TRAPPC9: variants seen among roughly 807,000 people sequenced by gnomAD.
TRAPPC9 encodes the protein IKK2 binding protein.
In TRAPPC9, 83 loss-of-function variants were observed where a neutral mutation model predicts 124.0. The ratio of observed to expected loss-of-function variants is 0.67; its 90% CI spans 0.56 to 0.80. TRAPPC9 has a LOEUF of 0.80. TRAPPC9 is among the 30% of genes least tolerant of loss of function. TRAPPC9 has a pLI of 0.00. For synonymous variants in TRAPPC9, 638 were observed against 617.5 expected (o/e 1.03, Z -0.49); for missense variants, 1,302 against 1,508.3 (o/e 0.86, Z 2.27).
intron 17 of TRAPPC9, among the ~76,000 whole-genome samples, chr8:140,131,316 C>T (rs929368996): frequency 6.6e-6 from 1 of 152,178 alleles, no homozygotes; most frequent in African/African-American, 2.4e-5. Context: ...CCTGCAGAAA[C>T]ATTACACTAA....
intron 9 of TRAPPC9, among the ~76,000 whole-genome samples, chr8:140,356,040 G>A (rs746032840): frequency 1.3e-4 from 20 of 152,162 alleles, no homozygotes; most frequent in Non-Finnish European, 2.1e-4. Context: ...GAGAACCCTC[G>A]CTGTATTTTC....
intron 20 of TRAPPC9, among the ~76,000 whole-genome samples, chr8:139,891,544 C>T (rs1466413383): frequency 6.6e-6 from 1 of 152,236 alleles, no homozygotes; most frequent in African/African-American, 2.4e-5. Flanking sequence ...TGCAGGGTCC[C>T]GAACCCAGCT....
At chr8:140,036,346 G>T (rs1245835173) in intron 17 of TRAPPC9, among the ~76,000 whole-genome samples, 1 of 152,134 alleles carries the variant, frequency 6.6e-6, no homozygotes, top group African/African-American at 2.4e-5. Flanking sequence ...GGACGTGTTC[G>T]GGGGGTGGCA....
intron 18 of TRAPPC9, among the ~76,000 whole-genome samples, chr8:139,993,825 A>C (rs1837796021): frequency 6.6e-6 from 1 of 152,208 alleles, no homozygotes; most frequent in Admixed American, 6.5e-5. Flanking sequence ...AATATGTTTT[A>C]AAATACTCGA....
At chr8:140,316,273 G>T (rs142745960) in intron 9 of TRAPPC9, among the ~76,000 whole-genome samples, 1 of 152,038 alleles carries the variant, frequency 6.6e-6, no homozygotes, top group African/African-American at 2.4e-5. Flanking sequence ...TGCTTAAAAC[G>T]TTGCTGGTCC....
intron 18 of TRAPPC9, among the ~76,000 whole-genome samples, chr8:140,019,542 C>CTTTTTTTTTTTTTTTTTTTTTT (rs71320340): frequency 2.3e-5 from 1 of 43,838 alleles, no homozygotes; most frequent in Non-Finnish European, 4.1e-5. Context: ...TAATTTGTGT[C>CTTTTTTTTTTTTTTTTTTTTTT]TTTTTTTTTT....
At chr8:140,249,543 G>T (rs1050416032) in intron 16 of TRAPPC9, among the ~76,000 whole-genome samples, 2 of 143,890 alleles carry the variant, frequency 1.4e-5, no homozygotes, top group Non-Finnish European at 3.0e-5. Flanking sequence ...CATTCACACT[G>T]TATTTTTTTT....
intron 17 of TRAPPC9, among the ~76,000 whole-genome samples, chr8:140,135,238 T>C (rs2061279841): frequency 6.6e-6 from 1 of 152,156 alleles, no homozygotes; most frequent in Non-Finnish European, 1.5e-5. Context: ...GTGCAACCAA[T>C]GTGGAAACTT....
chr8:140,128,836 A>G (rs746607296), intron 17 of TRAPPC9, among the ~76,000 whole-genome samples: 10 of 152,280 alleles, frequency 6.6e-5, no homozygotes, highest in South Asian at 6.2e-4. Flanking sequence ...AGGCCTGCAC[A>G]TGGGAGATCT....
At chr8:139,934,269 TC>T (rs1010165481) in intron 19 of TRAPPC9, among the ~76,000 whole-genome samples, 2 of 148,980 alleles carry the variant, frequency 1.3e-5, no homozygotes, top group African/African-American at 4.9e-5. Context: ...ATCCCTGACT[TC>T]AAGTCCAGTC....
rs1430485058 is a variant in TRAPPC9 at position 140,402,607 on chromosome 8, G to C, written c.1008+2970C>G. 2.0e-5 allele frequency among the ~76,000 whole-genome samples: 3 copies of C among 151,162 alleles called. No homozygotes were observed. The East Asian group carries it at 5.8e-4, about 29-fold the overall frequency. On this transcript the variant is annotated intron_variant, in intron 6 of 22. Coordinates refer to ENST00000438773, the MANE Select transcript of TRAPPC9 (RefSeq NM_001160372.4). ...GCACACAGGAAGCCAGAGGTGGGGG[G>C]ATCACCTGAACCTGGGAGATAAAGG...
At chr8:140,332,564 A>T (rs1216999937) in intron 9 of TRAPPC9, among the ~76,000 whole-genome samples, 1 of 152,224 alleles carries the variant, frequency 6.6e-6, no homozygotes. Context: ...GTGTATCAAA[A>T]CATTACACAG....
intron 16 of TRAPPC9, among the ~76,000 whole-genome samples, chr8:140,227,944 CA>C (rs2063493390): frequency 6.6e-6 from 1 of 152,202 alleles, no homozygotes; most frequent in South Asian, 2.1e-4. Flanking sequence ...AAAACTGACC[CA>C]AGGAATACAT....
intron 17 of TRAPPC9, among the ~76,000 whole-genome samples, chr8:140,030,532 T>G (rs11783626): frequency 0.13 from 19,176 of 152,110 alleles, 2,334 homozygotes; most frequent in African/African-American, 0.32. Context: ...AAAACACATA[T>G]CTACACAAAA....
At chr8:140,110,005 A>T (rs955273183) in intron 17 of TRAPPC9, among the ~76,000 whole-genome samples, 10 of 152,100 alleles carry the variant, frequency 6.6e-5, no homozygotes, top group Non-Finnish European at 1.5e-4. Flanking sequence ...TCCAAGAGAC[A>T]GACTCAGGTG....
intron 19 of TRAPPC9, among the ~76,000 whole-genome samples, chr8:139,918,645 G>C (rs921609417): frequency 6.6e-6 from 1 of 152,244 alleles, no homozygotes; most frequent in Non-Finnish European, 1.5e-5. Context: ...CCGACATCGG[G>C]AGCTTCTCCC....
intron 21 of TRAPPC9, among the ~76,000 whole-genome samples, chr8:139,819,885 C>T (rs959893774): frequency 5.9e-5 from 9 of 151,506 alleles, no homozygotes; most frequent in Admixed American, 2.6e-4. Context: ...TGGTGGCGTG[C>T]GCCTATAGTC....
intron 16 of TRAPPC9, among the ~76,000 whole-genome samples, chr8:140,245,857 T>C (rs2063971992): frequency 6.6e-6 from 1 of 152,186 alleles, no homozygotes; most frequent in Non-Finnish European, 1.5e-5. Flanking sequence ...AATGTGTGGT[T>C]GTCTCTTATT....
chr8:139,891,680 G>A (rs550414854), intron 20 of TRAPPC9, among the ~76,000 whole-genome samples: 1 of 152,342 alleles, frequency 6.6e-6, no homozygotes, highest in South Asian at 2.1e-4. Context: ...CTCGGGGCTT[G>A]ACATCTTTCA....
Sources: gnomAD v4.1 joint callset for allele counts (sites outside exome capture counted in the v4.1 genomes callset) on GRCh38, gnomAD v4.1.1 for gene constraint, MANE v1.5 for transcripts, NCBI Gene and HGNC (gene_info 2026-07-23, HGNC 2026-07-21) for gene names.